The following GRIA4 variants were observed in gnomAD, a reference collection of about 807,000 sequenced individuals.
GRIA4 encodes glutamate ionotropic receptor AMPA type subunit 4.
In GRIA4, 34 loss-of-function variants were observed where a neutral mutation model predicts 104.0. That is an observed-to-expected ratio of 0.33 (90% CI 0.25 to 0.44). The LOEUF (loss-of-function observed/expected upper bound fraction) is 0.44, where lower values mean the gene tolerates loss of function less well. GRIA4 is among the 20% of genes least tolerant of loss of function. The probability of loss-of-function intolerance (pLI) is 1.00; values close to 1 mark genes in which losing one functional copy is unlikely to be tolerated. For synonymous variants in GRIA4, 386 were observed against 381.9 expected (o/e 1.01, Z -0.13); for missense variants, 750 against 1,096.5 (o/e 0.68, Z 4.46).
At position 105,888,271 on chromosome 11, in the gene GRIA4, C is replaced by CTTTTTTTTTTTTT. The variant is rs71469040; in HGVS notation, c.726+717_726+729dup. Among the ~76,000 whole-genome samples the CTTTTTTTTTTTTT allele has an allele frequency of 5.9e-4, 32 of 54,574 alleles. 9 individuals are homozygous for CTTTTTTTTTTTTT. The highest frequency in any genetic ancestry group is 8.8e-4 in the African/African-American group (11 of 12,526). 35.8% of individuals were successfully genotyped at this position (54,574 alleles called of 152,430 possible). A position where few individuals can be genotyped will look rare whatever the true frequency, so the allele number is the denominator to read the frequency against. On this transcript the variant is annotated intron_variant, in intron 6 of 16. Transcript: ENST00000282499. ...TTGGAGAAGTTAAGGATGTTTTCTC[C>CTTTTTTTTTTTTT]TTTTTTTTTTTTTTTTTTTTTTTTT...
At position 105,654,103 on chromosome 11, in the gene GRIA4, T is replaced by C. The variant is rs188267933; in HGVS notation, c.247+41669T>C. Among the ~76,000 whole-genome samples, 21 of 131,010 alleles carry C rather than the reference T, an allele frequency of 1.6e-4. 1 individual carries two copies. In the East Asian group the frequency reaches 4.4e-3, roughly 27 times the overall value. The allele number at this position is 131,010 out of a possible 152,430, so 85.9% of individuals were successfully genotyped here. A position where few individuals can be genotyped will look rare whatever the true frequency, so the allele number is the denominator to read the frequency against. On this transcript the variant is annotated intron_variant, in intron 3 of 16. Transcript: ENST00000282499. ...TGAACCTGGAAGACATTAACTGAAA[T>C]AGGCCAGGAATAGAAAGTCTGTGAA...
chr11:105,888,354 G>A (rs1483859139), intron 6 of GRIA4, among the ~76,000 whole-genome samples: 1 of 129,842 alleles, frequency 7.7e-6, no homozygotes, highest in Non-Finnish European at 1.6e-5. Context: ...CGGGATCTCG[G>A]CTCACTGCAA....
intron 6 of GRIA4, among the ~76,000 whole-genome samples, chr11:105,896,555 C>A (rs915257519): frequency 6.6e-6 from 1 of 151,916 alleles, no homozygotes; most frequent in African/African-American, 2.4e-5. Context: ...TTTGTATTTT[C>A]ACATCTTATG....
chr11:105,643,644 T>C (rs918842691), intron 3 of GRIA4, among the ~76,000 whole-genome samples: 1 of 151,852 alleles, frequency 6.6e-6, no homozygotes, highest in Non-Finnish European at 1.5e-5. Flanking sequence ...GAAAAGGGGG[T>C]AGTGGTTCTT....
intron 3 of GRIA4, among the ~76,000 whole-genome samples, chr11:105,656,921 G>A (rs541083634): frequency 4.3e-4 from 65 of 152,082 alleles, no homozygotes; most frequent in African/African-American, 1.4e-3. Flanking sequence ...ATTCAATAAT[G>A]AACCAGAGAA....
intron 3 of GRIA4, among the ~76,000 whole-genome samples, chr11:105,652,729 A>G (rs910981924): frequency 6.6e-6 from 1 of 151,298 alleles, no homozygotes; most frequent in Admixed American, 6.6e-5. Context: ...ACACCATAGT[A>G]TCCCCTTATC....
At chr11:105,615,161 A>G (rs975102437) in intron 3 of GRIA4, among the ~76,000 whole-genome samples, 2 of 151,904 alleles carry the variant, frequency 1.3e-5, no homozygotes, top group Admixed American at 6.6e-5. Context: ...TATATGTTTA[A>G]TTATTTTGTG....
intron 3 of GRIA4, among the ~76,000 whole-genome samples, chr11:105,712,753 C>G (rs1026589659): frequency 6.6e-6 from 1 of 151,434 alleles, no homozygotes; most frequent in African/African-American, 2.4e-5. Context: ...AAGTAAATTG[C>G]CCATAAATAA....
At chr11:105,736,949 A>G (rs1938993307) in intron 3 of GRIA4, among the ~76,000 whole-genome samples, 1 of 152,140 alleles carries the variant, frequency 6.6e-6, no homozygotes, top group African/African-American at 2.4e-5. Context: ...ACAAACACAC[A>G]CGCAGAAGCA....
chr11:105,628,376 G>A (rs917982843), intron 3 of GRIA4, among the ~76,000 whole-genome samples: 1 of 151,920 alleles, frequency 6.6e-6, no homozygotes, highest in Non-Finnish European at 1.5e-5. Context: ...ATGCTGATAC[G>A]GTTTGGCTGT....
intron 4 of GRIA4, among the ~76,000 whole-genome samples, chr11:105,807,539 T>C (rs1286530739): frequency 6.6e-6 from 1 of 151,936 alleles, no homozygotes; most frequent in East Asian, 1.9e-4. Flanking sequence ...AAAATCTTTT[T>C]CTTTCTATGC....
chr11:105,918,367 A>G (rs1022314722), intron 10 of GRIA4, among the ~76,000 whole-genome samples: 2 of 152,140 alleles, frequency 1.3e-5, no homozygotes, highest in African/African-American at 4.8e-5. Context: ...ATTTCATGAA[A>G]TATTTTAGAA....
At chr11:105,760,563 A>C (rs1464987054) in intron 4 of GRIA4, among the ~76,000 whole-genome samples, 3 of 152,200 alleles carry the variant, frequency 2.0e-5, no homozygotes, top group African/African-American at 7.2e-5. Flanking sequence ...TATGATGCAG[A>C]ACATGACATA....
chr11:105,801,591 G>A (rs980914473), intron 4 of GRIA4, among the ~76,000 whole-genome samples: 2 of 151,922 alleles, frequency 1.3e-5, no homozygotes, highest in Non-Finnish European at 2.9e-5. Context: ...TATTTTTAAT[G>A]AGAAAAATCT....
At chr11:105,809,998 G>A (rs1035793565) in intron 4 of GRIA4, among the ~76,000 whole-genome samples, 4 of 151,880 alleles carry the variant, frequency 2.6e-5, no homozygotes, top group African/African-American at 9.7e-5. Context: ...TAAAGCAGTT[G>A]CACAGATTTA....
At chr11:105,641,203 T>C (rs1951349498) in intron 3 of GRIA4, among the ~76,000 whole-genome samples, 1 of 152,136 alleles carries the variant, frequency 6.6e-6, no homozygotes, top group Non-Finnish European at 1.5e-5. Context: ...TAAGAATAAT[T>C]ATTACCCTCA....
At chr11:105,785,151 A>G (rs1941903908) in intron 4 of GRIA4, among the ~76,000 whole-genome samples, 2 of 152,176 alleles carry the variant, frequency 1.3e-5, no homozygotes, top group African/African-American at 4.8e-5. Flanking sequence ...GCTGGTGCAT[A>G]CTATACGTTA....
At chr11:105,915,423 A>C (rs1233270609) in intron 10 of GRIA4, among the ~76,000 whole-genome samples, 6 of 152,204 alleles carry the variant, frequency 3.9e-5, no homozygotes, top group South Asian at 2.1e-4. Context: ...AAAATGAAAG[A>C]CATTAGATAA....
chr11:105,892,676 G>C (rs1352112765), intron 6 of GRIA4, among the ~76,000 whole-genome samples: 1 of 152,114 alleles, frequency 6.6e-6, no homozygotes, highest in Non-Finnish European at 1.5e-5. Context: ...TGGCGACATT[G>C]TTTTACTTTT....
Sources: allele counts gnomAD v4.1 joint callset (sites outside exome capture counted in the v4.1 genomes callset), GRCh38; gene constraint gnomAD v4.1.1; transcripts MANE v1.5; gene names NCBI Gene and HGNC (gene_info 2026-07-23, HGNC 2026-07-21).